The following BSN variants were observed in gnomAD, a reference collection of about 807,000 sequenced individuals.
BSN encodes bassoon presynaptic cytomatrix protein, also known as protein bassoon.
BSN carries 57 observed loss-of-function variants against 264.8 expected under a neutral mutation model. The ratio of observed to expected loss-of-function variants is 0.22; its 90% CI spans 0.17 to 0.27. The LOEUF is 0.27. Among genes scored for constraint, BSN ranks in the 10% least tolerant of loss-of-function variants. The pLI, the probability that BSN is intolerant of heterozygous loss-of-function variation, is 1.00. For missense variants in BSN, 4,615 were observed against 5,232.5 expected, an observed-to-expected ratio of 0.88 and a Z score of 3.64; for synonymous variants, 2,059 against 2,137.3, an observed-to-expected ratio of 0.96 and a Z score of 1.01.
intron 5 of BSN, among the ~76,000 whole-genome samples, chr3:49,659,799 G>A (rs986907269): frequency 6.6e-6 from 1 of 152,178 alleles, no homozygotes; most frequent in Non-Finnish European, 1.5e-5. Context: ...CCAGAGAACA[G>A]CAGGTTGACC....
In BSN at chr3:49,657,998, T is replaced by C. The variant is rs376806786; in HGVS notation, c.8442T>C (p.Ser2814=). 53 of 1,612,812 alleles carry C rather than the reference T, an allele frequency of 3.3e-5. No homozygotes were observed. The highest frequency in any genetic ancestry group is 1.1e-5 in the Non-Finnish European group (13 of 1,179,364). Residue 2814 remains serine, a synonymous_variant, in exon 5 of 12, where the codon AGT becomes AGC. Coordinates refer to ENST00000296452, the MANE Select transcript of BSN (RefSeq NM_003458.4). ...TCCTGGACACCTCCTTTGCTTCCAG[T>C]GAGAGGCTGAACAAAGCTCACGTGA... ...HRLLDTSFAS[S]ERLNKAHVSP... is the part of the protein sequence containing the mutation.
chr3:49,645,639 C>T (rs932006203), intron 3 of BSN, among the ~76,000 whole-genome samples: 1 of 152,212 alleles, frequency 6.6e-6, no homozygotes, highest in Admixed American at 6.5e-5. Flanking sequence ...TTCACCATCC[C>T]TTCAGCATTG....
chr3:49,655,651 A>C lies in BSN; in HGVS notation c.6095A>C (p.Tyr2032Ser). Residue 2032 changes from tyrosine (Y) to serine (S), a missense_variant, in exon 5 of 12, where the codon TAC becomes TCC. By Grantham distance (144) the Tyr-to-Ser change is moderately radical. Around this residue, in one of 3 missense-constraint regions of BSN, gnomAD observed 3,415 missense variants for 3,866.4 expected, o/e 0.88. Transcript: ENST00000296452. The stretch of plus-strand genomic sequence containing the variant: ...AGCCTGGGCTTTGCGGATGGACGCT[A>C]CCTAGGGCAGGGCTTGCAGTATGGC... ...SYSLGFADGR[Y>S]LGQGLQYGSV... 1 of 1,613,624 alleles carries C rather than the reference A, an allele frequency of 6.2e-7. No individual in the cohort carries two copies. The highest frequency in any genetic ancestry group is 8.5e-7 in the Non-Finnish European group (1 of 1,179,986).
chr3:49,594,814 A>G (rs1026270589), intron 1 of BSN, among the ~76,000 whole-genome samples: 10 of 152,086 alleles, frequency 6.6e-5, no homozygotes, highest in African/African-American at 2.4e-4. Flanking sequence ...TGAACATAGT[A>G]TATCTTCCCA....
intron 1 of BSN, among the ~76,000 whole-genome samples, chr3:49,609,136 A>G (rs2052183191): frequency 7.2e-6 from 1 of 139,378 alleles, no homozygotes; most frequent in South Asian, 2.2e-4. Context: ...ACTCTGTCAC[A>G]TAGACTGGAT....
At chr3:49,561,470 G>A (rs774594290) in intron 1 of BSN, among the ~76,000 whole-genome samples, 2 of 152,162 alleles carry the variant, frequency 1.3e-5, no homozygotes, top group African/African-American at 4.8e-5. Context: ...GGGTAGGTGA[G>A]GAAATTTCCT....
chr3:49,625,394 C>T lies in BSN; in HGVS notation c.633+11C>T. The T allele has an allele frequency of 6.8e-7, 1 of 1,460,732 alleles. No homozygotes were observed. The highest frequency in any genetic ancestry group is 9.0e-7 in the Non-Finnish European group (1 of 1,107,050). The allele number at this position is 1,460,732 out of a possible 1,614,324, so 90.5% of individuals were successfully genotyped here. A position where few individuals can be genotyped will look rare whatever the true frequency, so the allele number is the denominator to read the frequency against. Reference sequence around the variant, plus strand: ...CCTCATCTCACCCAGGTAACCACTTCTGCGCCGGCTCCCCACTCACCTGCT... The same window carrying T: ...CCTCATCTCACCCAGGTAACCACTTTTGCGCCGGCTCCCCACTCACCTGCT... On this transcript the variant is annotated intron_variant, in intron 2 of 11. Coordinates refer to ENST00000296452, the MANE Select transcript of BSN (RefSeq NM_003458.4). This position sits in a 1 kb window ranked among gnomAD's most constrained non-coding sequence, Gnocchi z 4.4.
At chr3:49,600,270 G>C (rs565986671) in intron 1 of BSN, among the ~76,000 whole-genome samples, 64 of 152,310 alleles carry the variant, frequency 4.2e-4, no homozygotes, top group Admixed American at 3.1e-3. Flanking sequence ...CAGAGGAATG[G>C]GGGAGTGTTT....
At chr3:49,614,336 G>A (rs1316794101) in intron 1 of BSN, among the ~76,000 whole-genome samples, 1 of 152,200 alleles carries the variant, frequency 6.6e-6, no homozygotes, top group African/African-American at 2.4e-5. Flanking sequence ...TGGGATTACA[G>A]GCGTGAGCCA....
chr3:49,673,087 C>CTGTTTTTTTGTTTTTTTTTTT (rs2052846842), downstream of BSN, among the ~76,000 whole-genome samples: 1 of 43,198 alleles, frequency 2.3e-5, no homozygotes, highest in Non-Finnish European at 4.3e-5. Flanking sequence ...CCGGCCGGGA[C>CTGTTTTTTTGTTTTTTTTTTT]TTTTTTTTTT....
intron 1 of BSN, among the ~76,000 whole-genome samples, chr3:49,575,916 AT>A (rs950431601): frequency 3.3e-5 from 5 of 151,978 alleles, no homozygotes; most frequent in African/African-American, 1.2e-4. Context: ...CTGTGAACCT[AT>A]TGTGAATATA....
chr3:49,594,040 G>A (rs978910678), intron 1 of BSN, among the ~76,000 whole-genome samples: 6 of 151,936 alleles, frequency 3.9e-5, no homozygotes, highest in African/African-American at 9.7e-5. Context: ...CTGATCTGGC[G>A]ATTGGCCTCC....
chr3:49,613,458 C>T (rs1254214910), intron 1 of BSN, among the ~76,000 whole-genome samples: 1 of 151,434 alleles, frequency 6.6e-6, no homozygotes, highest in African/African-American at 2.4e-5. Context: ...GAATTTATAT[C>T]CAGCCAACCT....
chr3:49,655,120 C>T lies in BSN; in HGVS notation c.5564C>T (p.Pro1855Leu). 1.2e-6 allele frequency: 2 copies of T among 1,612,426 alleles called. No individual in the cohort carries two copies. The highest frequency in any genetic ancestry group is 1.7e-6 in the Non-Finnish European group (2 of 1,179,704). ...TPAELRSHAL[P>L]GARKPHTVVV... Reference sequence around the variant, plus strand: ...GCAGAGCTGCGGTCACATGCTCTGCCAGGTGCCAGGAAGCCACACACAGTG... The same window carrying T: ...GCAGAGCTGCGGTCACATGCTCTGCTAGGTGCCAGGAAGCCACACACAGTG... Residue 1855 changes from proline to leucine, a missense_variant, in exon 5 of 12, where the codon CCA (proline) becomes CTA (leucine). Transcript: ENST00000296452.
chr3:49,649,599 C>G (rs1048940052), intron 3 of BSN, among the ~76,000 whole-genome samples: 1 of 152,212 alleles, frequency 6.6e-6, no homozygotes, highest in Non-Finnish European at 1.5e-5. Flanking sequence ...CTCAGAGATG[C>G]CCAAACCCTA....
chr3:49,625,076 C>G lies in BSN; in HGVS notation c.326C>G (p.Pro109Arg), dbSNP rs750102496. 4 of 1,607,576 alleles carry G rather than the reference C, an allele frequency of 2.5e-6. No homozygotes were observed. Among genetic ancestry groups the G allele is most frequent in the Non-Finnish European group, 3.4e-6 (4 of 1,177,280 alleles). The change falls in exon 2 of 12, where the codon CCC (proline) becomes CGC (arginine). Residue 109 changes from proline to arginine, a missense_variant. By Grantham distance (103) the Pro-to-Arg change is moderately radical. Transcript: ENST00000296452. This position sits in a 1 kb window ranked among gnomAD's most constrained non-coding sequence, Gnocchi z 4.4. ...ASATTPGHES[P>R]RETRAQGPAG... The stretch of plus-strand genomic sequence containing the variant: ...GCTACCACTCCTGGCCATGAGAGCC[C>G]CCGAGAGACAAGGGCACAGGGACCA...
intron 1 of BSN, among the ~76,000 whole-genome samples, chr3:49,610,235 AGTTTTGT>A (rs951681533): frequency 6.6e-6 from 1 of 152,142 alleles, no homozygotes; most frequent in African/African-American, 2.4e-5. Context: ...TGATAGATGG[AGTTTTGT>A]GTGTGAGAAC....
Position 49,661,642 on chromosome 3 carries a change from G to C in BSN, c.9797G>C (p.Gly3266Ala). 6.2e-7 allele frequency: 1 copy of C among 1,613,638 alleles called. No homozygotes were observed. The highest frequency in any genetic ancestry group is 8.5e-7 in the Non-Finnish European group (1 of 1,180,042). ...GGGCCAGGCAGCAGTGGGCGTCCAGGGAAGGAGCCTGGAGAACCAGGTGTC... is the reference window on the plus strand; with the variant it reads ...GGGCCAGGCAGCAGTGGGCGTCCAGCGAAGGAGCCTGGAGAACCAGGTGTC... ...PLGPGSSGRP[G>A]KEPGEPGVLD... The change falls in exon 6 of 12, where the codon GGG becomes GCG. Residue 3266 changes from glycine to alanine, a missense_variant. This residue lies in a region of BSN where 3,415 missense variants were observed against 3,866.4 expected (regional missense o/e 0.88). Coordinates refer to ENST00000296452, the MANE Select transcript of BSN (RefSeq NM_003458.4).
intron 1 of BSN, among the ~76,000 whole-genome samples, chr3:49,593,565 T>A (rs1311698576): frequency 6.6e-6 from 1 of 152,164 alleles, no homozygotes; most frequent in Non-Finnish European, 1.5e-5. Context: ...TATTTGGTTG[T>A]TTTTTCATTT....
Sources: gnomAD v4.1 joint callset for allele counts (sites outside exome capture counted in the v4.1 genomes callset) on GRCh38, gnomAD v4.1.1 for gene constraint, gnomAD v4.1.1 regional missense constraint, Gnocchi (gnomAD v3.1) non-coding constraint, MANE v1.5 for transcripts, NCBI Gene and HGNC (gene_info 2026-07-23, HGNC 2026-07-21) for gene names.